Variants in CDKL2 observed in about 807,000 individuals in gnomAD.
CDKL2 encodes the protein cyclin dependent kinase like 2.
In CDKL2, 64 loss-of-function variants were observed where a neutral mutation model predicts 63.9. That is an observed-to-expected ratio of 1.00 (90% CI 0.82 to 1.23). The LOEUF is 1.23. CDKL2 is among the 50% of genes most tolerant of loss of function. The probability of loss-of-function intolerance (pLI) is 0.00; values close to 1 mark genes in which losing one functional copy is unlikely to be tolerated. For missense variants in CDKL2, 656 were observed against 668.0 expected, an observed-to-expected ratio of 0.98 and a Z score of 0.20; for synonymous variants, 211 against 229.2, an observed-to-expected ratio of 0.92 and a Z score of 0.72.
chr4:75,588,727 T>G (rs1728582064), intron 12 of CDKL2, among the ~76,000 whole-genome samples: 1 of 152,140 alleles, frequency 6.6e-6, no homozygotes, highest in Admixed American at 6.5e-5. Flanking sequence ...TCCCCCCAAA[T>G]CAGTGGACAC....
intron 5 of CDKL2, 51 bp downstream of exon 5, chr4:75,605,471 C>T: frequency 1.8e-6 from 2 of 1,106,148 alleles, no homozygotes; most frequent in South Asian, 1.4e-5. Context: ...CAGGCACAAA[C>T]AAATATGCAG....
chr4:75,625,876 C>G lies in CDKL2; in HGVS notation c.113G>C (p.Ser38Thr), dbSNP rs949738521. The G allele has an allele frequency of 6.2e-7, 1 of 1,613,358 alleles. No individual in the cohort carries two copies. Among genetic ancestry groups the G allele is most frequent in the African/African-American group, 1.3e-5 (1 of 74,892 alleles). The change falls in exon 2 of 14, where the codon AGT (serine) becomes ACT (threonine). Residue 38 changes from serine to threonine, a missense_variant. Transcript: ENST00000307465. ...RIVAIKKFLE[S>T]DDDKMVKKIA... ...CTTTTTAACCATTTTGTCATCGTCA[C>G]TTTCTAAGAACTTCTTTATGGCCAC... is the stretch of plus-strand genomic sequence containing the variant.
intron 13 of CDKL2, among the ~76,000 whole-genome samples, chr4:75,581,173 G>C (rs549144158): frequency 6.6e-6 from 1 of 152,304 alleles, no homozygotes; most frequent in African/African-American, 2.4e-5. Context: ...TTATCATGAA[G>C]CTGAAAATTC....
chr4:75,607,331 T>C lies in CDKL2; in HGVS notation c.394A>G (p.Ile132Val). 6.2e-7 allele frequency: 1 copy of C among 1,613,918 alleles called. No homozygotes were observed. Among genetic ancestry groups the C allele is most frequent in the African/African-American group, 1.3e-5 (1 of 75,042 alleles). ...IIHRDIKPEN[I>V]LVSQSGVVKL... Reference sequence around the variant, plus strand: ...ACAACGCCAGACTGGGAGACTAATATATTCTCTGGCTTTATATCTCTGTGT... The same window carrying C: ...ACAACGCCAGACTGGGAGACTAATACATTCTCTGGCTTTATATCTCTGTGT... The change falls in exon 4 of 14, where the codon ATA (isoleucine) becomes GTA (valine). Residue 132 changes from isoleucine (I) to valine (V), a missense_variant. Ile to Val is a conservative substitution (Grantham distance 29). Transcript: ENST00000307465.
At chr4:75,592,091 A>T in intron 11 of CDKL2, 55 bp downstream of exon 11, 1 of 1,464,726 alleles carries the variant, frequency 6.8e-7, no homozygotes, top group Non-Finnish European at 9.0e-7. Context: ...TCTGTCTAAC[A>T]TACATTTTAA....
At chr4:75,589,683 G>C (rs577910281) in intron 12 of CDKL2, among the ~76,000 whole-genome samples, 1 of 152,202 alleles carries the variant, frequency 6.6e-6, no homozygotes, top group African/African-American at 2.4e-5. Flanking sequence ...ATGTGAAACT[G>C]TATATTCACA....
At chr4:75,593,260 A>C (rs1728785502) in intron 10 of CDKL2, among the ~76,000 whole-genome samples, 2 of 151,988 alleles carry the variant, frequency 1.3e-5, no homozygotes, top group African/African-American at 4.8e-5. Context: ...CAAAAAATAA[A>C]ATTTAAAAAT....
rs1445617194 is a variant in CDKL2 at position 75,577,865 on chromosome 4, T to TAAATATCC, written c.*1329_*1336dup. The TAAATATCC allele has an allele frequency of 6.6e-6, 1 of 152,572 alleles. No homozygotes were observed. The highest frequency in any genetic ancestry group is 1.5e-5 in the Non-Finnish European group (1 of 68,038). The allele number at this position is 152,572 out of a possible 1,614,324, so 9.5% of individuals were successfully genotyped here. A position where few individuals can be genotyped will look rare whatever the true frequency, so the allele number is the denominator to read the frequency against. On this transcript the variant is annotated 3_prime_UTR_variant, in exon 14 of 14. Coordinates refer to ENST00000307465, the MANE Select transcript of CDKL2 (RefSeq NM_001330724.2). ...TTGAATGTCCTACTCTTTTGAGGCT[T>TAAATATCC]AAATATCCAAGGTCAGAATTTCAGT...
At position 75,589,232 on chromosome 4, in the gene CDKL2, G is replaced by A. The variant is rs183369204; in HGVS notation, c.1647+2587C>T. Among the ~76,000 whole-genome samples, 20 of 151,142 alleles carry A rather than the reference G, an allele frequency of 1.3e-4. No individual in the cohort carries two copies. In the East Asian group the frequency reaches 3.9e-3, roughly 29 times the overall value. ...GTATTGGTGAGGATAAGGCACAACT[G>A]AAATTATTATGCATTGCTGGTTGAA... On this transcript the variant is annotated intron_variant, in intron 12 of 13. Coordinates refer to ENST00000307465, the MANE Select transcript of CDKL2 (RefSeq NM_001330724.2).
intron 3 of CDKL2, 44 bp from the exon 4 acceptor site, chr4:75,607,405 T>A (rs1017288040): frequency 1.3e-5 from 19 of 1,496,000 alleles, no homozygotes; most frequent in African/African-American, 2.8e-5. Context: ...TAAAATTAAT[T>A]ATTTTGGGGC....
In CDKL2 at chr4:75,602,666, C is replaced by T. The variant is rs375289660; in HGVS notation, c.795+1151G>A. 3.9e-5 allele frequency among the ~76,000 whole-genome samples: 6 copies of T among 152,102 alleles called. No individual in the cohort carries two copies. In the East Asian group the frequency reaches 9.6e-4, roughly 24 times the overall value. ...CATCCCGAGTAGCTGGGATTACAGA[C>T]ATGCACCACCATGCCCAGCTAATTT... is the stretch of plus-strand genomic sequence containing the variant. On this transcript the variant is annotated intron_variant, in intron 6 of 13. Coordinates refer to ENST00000307465, the MANE Select transcript of CDKL2 (RefSeq NM_001330724.2).
chr4:75,626,772 T>C (rs1222049095), intron 1 of CDKL2, among the ~76,000 whole-genome samples: 1 of 151,856 alleles, frequency 6.6e-6, no homozygotes, highest in East Asian at 1.9e-4. Flanking sequence ...ATGCCTGTGG[T>C]CCCAGCTACT....
rs1427460250 is a variant in CDKL2, at chr4:75,589,367, G to C, written c.1647+2452C>G. On this transcript the variant is annotated intron_variant, in intron 12 of 13. Coordinates refer to ENST00000307465, the MANE Select transcript of CDKL2 (RefSeq NM_001330724.2). ...TCGCCCAGGCTGGAGTGCAGTGGCG[G>C]GATCTCGGCTCACTGCAAGCTCCGC... is the stretch of plus-strand genomic sequence containing the variant. Among the ~76,000 whole-genome samples, 6 of 146,972 alleles carry C rather than the reference G, an allele frequency of 4.1e-5. No individual in the cohort carries two copies. In the South Asian group the frequency reaches 6.5e-4, roughly 16 times the overall value.
chr4:75,629,792 A>T (rs1040438787), intron 1 of CDKL2, among the ~76,000 whole-genome samples: 7 of 151,942 alleles, frequency 4.6e-5, no homozygotes, highest in African/African-American at 1.7e-4. Context: ...ATACAAACTT[A>T]GCCGGGCGTG....
intron 2 of CDKL2, among the ~76,000 whole-genome samples, chr4:75,620,938 AT>A (rs35252668): frequency 0.84 from 119,381 of 142,820 alleles, 49,896 homozygotes; most frequent in East Asian, 0.9. Context: ...ATAGCTGAGC[AT>A]TTTTTTTTTT....
In CDKL2 at chr4:75,602,381, T is replaced by C. The variant is rs947325081; in HGVS notation, c.795+1436A>G. ...TTTTAGTAGAGATGGGGTTTCACCATCTTGGCCAGGATGGTCTTGAACTCC... is the reference window on the plus strand; with the variant it reads ...TTTTAGTAGAGATGGGGTTTCACCACCTTGGCCAGGATGGTCTTGAACTCC... On this transcript the variant is annotated intron_variant, in intron 6 of 13. Coordinates refer to ENST00000307465, the MANE Select transcript of CDKL2 (RefSeq NM_001330724.2). Among the ~76,000 whole-genome samples, 4 of 152,234 alleles carry C rather than the reference T, an allele frequency of 2.6e-5. No individual in the cohort carries two copies. The South Asian group carries it at 6.2e-4, about 24-fold the overall frequency.
At chr4:75,623,921 G>A (rs1449378993) in intron 2 of CDKL2, among the ~76,000 whole-genome samples, 1 of 151,940 alleles carries the variant, frequency 6.6e-6, no homozygotes, top group Non-Finnish European at 1.5e-5. Context: ...ATAACCTGAG[G>A]TCAGGAGTTT....
Position 75,579,006 on chromosome 4 carries a change from T to A in CDKL2, c.*196A>T, listed in dbSNP as rs866483087. 1 of 152,664 alleles carries A rather than the reference T, an allele frequency of 6.6e-6. No homozygotes were observed. The highest frequency in any genetic ancestry group is 1.5e-5 in the Non-Finnish European group (1 of 68,028). The allele number at this position is 152,664 out of a possible 1,614,324, so 9.5% of individuals were successfully genotyped here. Reference sequence around the variant, plus strand: ...GGGATAACAGTTGGGGAGGGCCATTTGTTCAATCTTCCTTTGAAACATTTG... The same window carrying A: ...GGGATAACAGTTGGGGAGGGCCATTAGTTCAATCTTCCTTTGAAACATTTG... On this transcript the variant is annotated 3_prime_UTR_variant, in exon 14 of 14. Coordinates refer to ENST00000307465, the MANE Select transcript of CDKL2 (RefSeq NM_001330724.2).
intron 12 of CDKL2, among the ~76,000 whole-genome samples, chr4:75,582,958 C>T (rs1164159557): frequency 6.6e-6 from 1 of 152,038 alleles, no homozygotes; most frequent in East Asian, 1.9e-4. Flanking sequence ...AAATATACTT[C>T]AAGAATTAAA....
Sources: allele counts gnomAD v4.1 joint callset (sites outside exome capture counted in the v4.1 genomes callset), GRCh38; gene constraint gnomAD v4.1.1; transcripts MANE v1.5; gene names NCBI Gene and HGNC (gene_info 2026-07-23, HGNC 2026-07-21).